HDGFL2: variants seen among roughly 807,000 people sequenced by gnomAD.
The protein encoded by HDGFL2 is HDGF like 2, also known as hepatoma-derived growth factor-related protein 2.
HDGFL2 carries 36 observed loss-of-function variants against 77.1 expected under a neutral mutation model. The ratio of observed to expected loss-of-function variants is 0.47; its 90% CI spans 0.36 to 0.62. HDGFL2 has a LOEUF of 0.62. Among genes scored for constraint, HDGFL2 ranks in the 20% least tolerant of loss-of-function variants. HDGFL2 has a pLI of 0.00. For missense variants in HDGFL2, 976 were observed against 973.4 expected, an observed-to-expected ratio of 1.00 and a Z score of -0.04; for synonymous variants, 463 against 413.1, an observed-to-expected ratio of 1.12 and a Z score of -1.46.
intron 3 of HDGFL2, among the ~76,000 whole-genome samples, chr19:4,476,619 A>G (rs1358641735): frequency 2.6e-5 from 4 of 151,052 alleles, no homozygotes; most frequent in African/African-American, 9.7e-5. Flanking sequence ...TAGAGGAGTG[A>G]AAAGTCTGTA....
chr19:4,501,505 C>G (rs1262783898), intron 15 of HDGFL2, 188 bp downstream of exon 15: 2 of 614,228 alleles, frequency 3.3e-6, no homozygotes, highest in African/African-American at 1.9e-5. Context: ...GCGGCCCCTA[C>G]AGAGAGGCAG....
chr19:4,475,618 C>A, intron 3 of HDGFL2, 35 bp downstream of exon 3: 1 of 1,540,806 alleles, frequency 6.5e-7, no homozygotes, highest in Non-Finnish European at 8.7e-7. Flanking sequence ...GTGTGAAGCG[C>A]GCTACTGATG....
rs1410939109 is a variant in HDGFL2, at chr19:4,488,706, G to A, written c.319G>A (p.Glu107Lys). The A allele has an allele frequency of 1.7e-5, 27 of 1,550,404 alleles. No individual in the cohort carries two copies. In the Admixed American group the frequency reaches 2.1e-4, roughly 12 times the overall value. The change falls in exon 4 of 16, where the codon GAG becomes AAG. Residue 107 changes from glutamate to lysine, a missense_variant. Glu to Lys is a moderately conservative substitution (Grantham distance 56). Transcript: ENST00000616600. ...PVSSSDSEAP[E>K]ANPADGSDAD... is the part of the protein sequence containing the mutation. ...GAGCTCCTCCGACAGCGAGGCCCCC[G>A]AGGCCAACCCCGCCGACGGCAGTGA...
At chr19:4,472,808 C>T (rs1974977694) in intron 1 of HDGFL2, among the ~76,000 whole-genome samples, 2 of 148,426 alleles carry the variant, frequency 1.3e-5, no homozygotes, top group Admixed American at 1.3e-4. Context: ...CCTGCAGGAG[C>T]CCCTCCCGGG....
At chr19:4,482,155 C>T (rs1975237597) in intron 3 of HDGFL2, among the ~76,000 whole-genome samples, 1 of 150,720 alleles carries the variant, frequency 6.6e-6, no homozygotes, top group South Asian at 2.1e-4. Flanking sequence ...GCCTCAGCCT[C>T]CCACAGTGCT....
intron 6 of HDGFL2, 23 bp from the exon 7 acceptor site, chr19:4,493,680 C>T (rs1417567445): frequency 2.8e-6 from 4 of 1,441,906 alleles, no homozygotes; most frequent in African/African-American, 1.4e-5. Context: ...CTGATGCTCA[C>T]GCCTGTCCCT....
chr19:4,486,434 A>C (rs1407759305), intron 3 of HDGFL2: 1 of 151,682 alleles, frequency 6.6e-6, no homozygotes, highest in Non-Finnish European at 1.5e-5. Context: ...CTGAGGCAGG[A>C]GAATTGCTTG....
At chr19:4,475,864 C>A (rs1048989671) in intron 3 of HDGFL2, among the ~76,000 whole-genome samples, 1 of 151,250 alleles carries the variant, frequency 6.6e-6, no homozygotes, top group African/African-American at 2.4e-5. Flanking sequence ...CTGGCGAGAA[C>A]CCCTGCTGTA....
Position 4,493,817 on chromosome 19 carries a change from G to C in HDGFL2, c.793G>C (p.Asp265His), listed in dbSNP as rs752382584. Residue 265 changes from aspartate (D) to histidine (H), a missense_variant, in exon 7 of 16, where the codon GAC (aspartate) becomes CAC (histidine). Transcript: ENST00000616600. Reference sequence around the variant, plus strand: ...CTCCTCCTCTTCCTCCTCCTCCTCCGACTCCGATGTGTCTGTGAAGAAGCC... The same window carrying C: ...CTCCTCCTCTTCCTCCTCCTCCTCCCACTCCGATGTGTCTGTGAAGAAGCC... ...SSSSSSSSSS[D>H]SDVSVKKPPR... 65 of 1,532,688 alleles carry C rather than the reference G, an allele frequency of 4.2e-5. No homozygotes were observed. Among genetic ancestry groups the C allele is most frequent in the Non-Finnish European group, 5.6e-5 (64 of 1,136,224 alleles). The allele number at this position is 1,532,688 out of a possible 1,614,324, so 94.9% of individuals were successfully genotyped here. A position where few individuals can be genotyped will look rare whatever the true frequency, so the allele number is the denominator to read the frequency against.
At chr19:4,488,402 C>T (rs1182030322) in intron 3 of HDGFL2, among the ~76,000 whole-genome samples, 1 of 151,000 alleles carries the variant, frequency 6.6e-6, no homozygotes, top group East Asian at 1.9e-4. Flanking sequence ...CAGAAGTGGT[C>T]ACTGAAGCAC....
chr19:4,488,744 C>T lies in HDGFL2; in HGVS notation c.357C>T (p.Asp119=), dbSNP rs866810200. ...CCGACGGCAGTGACGCTGACGAGGACGATGAGGACCGGGGGGTCATGGCCG... is the reference window on the plus strand; with the variant it reads ...CCGACGGCAGTGACGCTGACGAGGATGATGAGGACCGGGGGGTCATGGCCG... ...NPADGSDADE[D]DEDRGVMAVT... Residue 119 remains aspartate (D), a synonymous_variant, in exon 4 of 16, where the codon GAC becomes GAT. Transcript: ENST00000616600. 1.4e-5 allele frequency: 21 copies of T among 1,553,422 alleles called. No individual in the cohort carries two copies. In the Admixed American group the frequency reaches 1.8e-4, roughly 13 times the overall value.
At chr19:4,478,643 T>C (rs1270018555) in intron 3 of HDGFL2, among the ~76,000 whole-genome samples, 1 of 151,606 alleles carries the variant, frequency 6.6e-6, no homozygotes, top group Non-Finnish European at 1.5e-5. Flanking sequence ...CTTTTGGTCC[T>C]CACAGTAATC....
intron 3 of HDGFL2, among the ~76,000 whole-genome samples, chr19:4,478,051 G>A (rs1975114886): frequency 6.9e-6 from 1 of 144,414 alleles, no homozygotes; most frequent in South Asian, 2.3e-4. Flanking sequence ...CTGTACTCCA[G>A]CCTGGGCAAC....
Position 4,488,775 on chromosome 19 carries a change from G to T in HDGFL2, c.388G>T (p.Ala130Ser). The change falls in exon 4 of 16, where the codon GCG becomes TCG. Residue 130 changes from alanine to serine, a missense_variant. Coordinates refer to ENST00000616600, the MANE Select transcript of HDGFL2 (RefSeq NM_001001520.3). Reference protein sequence around the residue: ...DEDRGVMAVTAVTATAASDRM... With the variant: ...DEDRGVMAVTSVTATAASDRM... ...GGACCGGGGGGTCATGGCCGTCACA[G>T]CGGTAACCGCCACAGCTGCCAGCGA... 1 of 1,552,164 alleles carries T rather than the reference G, an allele frequency of 6.4e-7. No homozygotes were observed. Among genetic ancestry groups the T allele is most frequent in the Non-Finnish European group, 8.7e-7 (1 of 1,147,350 alleles).
chr19:4,493,412 A>G (rs1211240078), intron 6 of HDGFL2, among the ~76,000 whole-genome samples: 2 of 152,034 alleles, frequency 1.3e-5, no homozygotes, highest in East Asian at 1.9e-4. Flanking sequence ...TTTTGCATAA[A>G]GAAAAAGATG....
chr19:4,472,410 C>T lies in HDGFL2; in HGVS notation c.60C>T (p.His20=), dbSNP rs764598029. 67 of 1,344,406 alleles carry T rather than the reference C, an allele frequency of 5.0e-5. No homozygotes were observed. The highest frequency in any genetic ancestry group is 2.9e-4 in the Middle Eastern group (1 of 3,444). The allele number at this position is 1,344,406 out of a possible 1,614,324, so 83.3% of individuals were successfully genotyped here. The change falls in exon 1 of 16, where the codon CAC becomes CAT. Residue 20 remains histidine, a synonymous_variant. Coordinates refer to ENST00000616600, the MANE Select transcript of HDGFL2 (RefSeq NM_001001520.3). ...LVFAKMKGYP[H]WPARIDDIAD... ...TCGCTAAGATGAAGGGCTACCCTCA[C>T]TGGCCTGCCAGGGTGAGGCCGCGCG...
chr19:4,491,703 G>A (rs1366830589), intron 5 of HDGFL2, 21 bp downstream of exon 5: 6 of 1,613,488 alleles, frequency 3.7e-6, no homozygotes, highest in Non-Finnish European at 5.1e-6. Flanking sequence ...GGCTCCTTGG[G>A]ATGGCAGGGA....
In HDGFL2 at chr19:4,499,544, T is replaced by C; in HGVS notation, c.1629T>C (p.Tyr543=). 3 of 1,613,744 alleles carry C rather than the reference T, an allele frequency of 1.9e-6. No individual in the cohort carries two copies. The South Asian group carries it at 3.3e-5, about 18-fold the overall frequency. ...KDVMEKAAEV[Y]TRLKSRVLGP... ...TAATGGAGAAGGCAGCAGAAGTCTATACCCGGCTCAAGTCGCGGGTCCTCG... is the reference window on the plus strand; with the variant it reads ...TAATGGAGAAGGCAGCAGAAGTCTACACCCGGCTCAAGTCGCGGGTCCTCG... The change falls in exon 14 of 16, where the codon TAT becomes TAC. Residue 543 remains tyrosine (Y), a synonymous_variant. Transcript: ENST00000616600.
chr19:4,499,012 C>A, intron 13 of HDGFL2, 97 bp downstream of exon 13: 1 of 837,940 alleles, frequency 1.2e-6, no homozygotes, highest in Non-Finnish European at 1.9e-6. Flanking sequence ...CCTGTCGGGA[C>A]AGCCCTGGGT....
Sources: gnomAD v4.1 joint callset for allele counts (sites outside exome capture counted in the v4.1 genomes callset) on GRCh38, gnomAD v4.1.1 for gene constraint, MANE v1.5 for transcripts, NCBI Gene and HGNC (gene_info 2026-07-23, HGNC 2026-07-21) for gene names.